KDM4B: variants seen among roughly 807,000 people sequenced by gnomAD.
KDM4B encodes the protein lysine-specific demethylase 4B.
KDM4B carries 32 observed loss-of-function variants against 125.2 expected under a neutral mutation model. That is an observed-to-expected ratio of 0.26 (90% CI 0.19 to 0.34). The LOEUF (loss-of-function observed/expected upper bound fraction) is 0.34, where lower values mean the gene tolerates loss of function less well. KDM4B is among the 10% of genes least tolerant of loss of function. The pLI is 1.00. For synonymous variants in KDM4B, 721 were observed against 677.9 expected, an observed-to-expected ratio of 1.06 and a Z score of -0.99; for missense variants, 1,190 against 1,577.7, an observed-to-expected ratio of 0.75 and a Z score of 4.16.
chr19:5,030,167 C>T (rs1322821853), intron 2 of KDM4B, among the ~76,000 whole-genome samples: 8 of 152,242 alleles, frequency 5.3e-5, no homozygotes, highest in East Asian at 1.9e-4. Context: ...AGTGCAGTGG[C>T]GCAATCACAG....
chr19:5,076,641 G>C (rs369213831), intron 7 of KDM4B: 3 of 152,920 alleles, frequency 2.0e-5, no homozygotes, highest in African/African-American at 5.8e-5. Flanking sequence ...CCCCAGGGTC[G>C]TGCTCTCTCG....
At chr19:5,019,674 ATGTTGGTGTGCAGG>A (rs2036027520) in intron 2 of KDM4B, among the ~76,000 whole-genome samples, 1 of 107,846 alleles carries the variant, frequency 9.3e-6, no homozygotes, top group Admixed American at 1.0e-4. Context: ...GTTGGCGTGG[ATGTTGGTGTGCAGG>A]TGTTGGTGTG....
At chr19:5,077,546 C>T in intron 8 of KDM4B, 76 bp downstream of exon 8, 1 of 1,231,476 alleles carries the variant, frequency 8.1e-7, no homozygotes, top group Non-Finnish European at 1.2e-6. Flanking sequence ...GCACATACCC[C>T]AGGAGATAAG....
At chr19:5,054,888 G>A (rs1015423320) in intron 6 of KDM4B, among the ~76,000 whole-genome samples, 1 of 152,238 alleles carries the variant, frequency 6.6e-6, no homozygotes, top group Non-Finnish European at 1.5e-5. Flanking sequence ...CTGTCGGCCT[G>A]ACGCCATCAG....
rs1568321776 is a variant in KDM4B at position 5,138,086 on chromosome 19, CG to C, written c.2550+17del. On this transcript the variant is annotated intron_variant, in intron 18 of 22. Coordinates refer to ENST00000159111, the MANE Select transcript of KDM4B (RefSeq NM_015015.3). ...GTGGAAGCTGGTAGGTCCTTGCGGT[CG>C]AGGCCCACCCTGCCCGTGCCTCTAG... is the stretch of plus-strand genomic sequence containing the variant. 3.1e-6 allele frequency: 5 copies of C among 1,594,962 alleles called. No homozygotes were observed. The highest frequency in any genetic ancestry group is 4.3e-6 in the Non-Finnish European group (5 of 1,167,100).
intron 5 of KDM4B, among the ~76,000 whole-genome samples, chr19:5,043,568 CTG>C (rs1331968696): frequency 1.4e-5 from 2 of 146,712 alleles, no homozygotes; most frequent in African/African-American, 5.2e-5. Context: ...CCATCATATC[CTG>C]TGTGGTGTTT....
Position 5,039,992 on chromosome 19 carries a change from C to T in KDM4B, c.298C>T (p.Arg100Cys), listed in dbSNP as rs919410120. The change falls in exon 4 of 23, where the codon CGC becomes TGC. Residue 100 changes from arginine (R) to cysteine (C), a missense_variant. Physicochemically the swap from Arg to Cys is radical, Grantham distance 180. This residue lies in a region of KDM4B where 139 missense variants were observed against 248.3 expected (regional missense o/e 0.56). Transcript: ENST00000159111. Reference sequence around the variant, plus strand: ...GGCCATGACAGTGGGCGAGTACCGCCGCCTGGCCAACAGCGAGAAGTACGC... The same window carrying T: ...GGCCATGACAGTGGGCGAGTACCGCTGCCTGGCCAACAGCGAGAAGTACGC... ...KKAMTVGEYR[R>C]LANSEKYCTP... 7 of 1,611,202 alleles carry T rather than the reference C, an allele frequency of 4.3e-6. No homozygotes were observed. Among genetic ancestry groups the T allele is most frequent in the East Asian group, 2.2e-5 (1 of 44,830 alleles).
chr19:5,032,288 G>A (rs919080990), intron 2 of KDM4B, among the ~76,000 whole-genome samples: 18 of 152,324 alleles, frequency 1.2e-4, no homozygotes, highest in Non-Finnish European at 1.8e-4. Context: ...AGCTATGATG[G>A]CAGGAAATGA....
At chr19:5,107,938 G>A (rs928699959) in intron 9 of KDM4B, among the ~76,000 whole-genome samples, 30 of 152,228 alleles carry the variant, frequency 2.0e-4, no homozygotes, top group African/African-American at 5.3e-4. Flanking sequence ...GCAGAGCCAC[G>A]TGGAGACTTG....
chr19:5,125,186 C>G (rs939874256), intron 11 of KDM4B, among the ~76,000 whole-genome samples: 4 of 152,216 alleles, frequency 2.6e-5, no homozygotes, highest in African/African-American at 7.2e-5. Flanking sequence ...CTGTGCCCAG[C>G]TTTCTTTTCA....
At chr19:4,977,602 C>G (rs2034493332) in intron 1 of KDM4B, among the ~76,000 whole-genome samples, 1 of 152,178 alleles carries the variant, frequency 6.6e-6, no homozygotes, top group South Asian at 2.1e-4. Context: ...AGCGTGGAGA[C>G]AGACGATTTG....
intron 1 of KDM4B, among the ~76,000 whole-genome samples, chr19:5,008,856 C>T (rs1324044228): frequency 6.6e-6 from 1 of 150,702 alleles, no homozygotes; most frequent in Non-Finnish European, 1.5e-5. Flanking sequence ...CCGCCTTGGC[C>T]TCCCAAAGTG....
chr19:5,015,483 C>G (rs958864104), intron 1 of KDM4B, among the ~76,000 whole-genome samples: 1 of 152,164 alleles, frequency 6.6e-6, no homozygotes, highest in Non-Finnish European at 1.5e-5. Context: ...AACCCCTGAC[C>G]TCAGCTGATC....
chr19:5,053,775 G>GC (rs2145736713), intron 6 of KDM4B, among the ~76,000 whole-genome samples: 1 of 152,382 alleles, frequency 6.6e-6, no homozygotes, highest in Non-Finnish European at 1.5e-5. Context: ...GCCCAGGCCA[G>GC]CTGCTACGCC....
At chr19:5,068,428 C>T (rs2037843641) in intron 6 of KDM4B, among the ~76,000 whole-genome samples, 1 of 152,240 alleles carries the variant, frequency 6.6e-6, no homozygotes, top group Admixed American at 6.5e-5. Flanking sequence ...TTCTGGTCCC[C>T]CGTCCTGGGG....
chr19:5,133,179 G>A (rs564476995), intron 13 of KDM4B, among the ~76,000 whole-genome samples: 34 of 152,332 alleles, frequency 2.2e-4, no homozygotes, highest in African/African-American at 7.0e-4. Flanking sequence ...ATTGGGGTGC[G>A]GCAGCTGGCA....
chr19:5,045,240 C>G (rs2036988288), intron 5 of KDM4B, among the ~76,000 whole-genome samples: 1 of 152,228 alleles, frequency 6.6e-6, no homozygotes, highest in Admixed American at 6.5e-5. Context: ...TCCTGGCCAC[C>G]CTGGGAGGCG....
At chr19:5,010,238 T>C (rs2035685912) in intron 1 of KDM4B, among the ~76,000 whole-genome samples, 1 of 152,176 alleles carries the variant, frequency 6.6e-6, no homozygotes, top group African/African-American at 2.4e-5. Flanking sequence ...TCCCTTGGCT[T>C]TCAGACGTTT....
chr19:5,093,392 G>A (rs978039472), intron 9 of KDM4B, among the ~76,000 whole-genome samples: 2 of 152,206 alleles, frequency 1.3e-5, no homozygotes, highest in Non-Finnish European at 2.9e-5. Flanking sequence ...GCCGGGAGGG[G>A]CAGGGAGCCG....
Sources: gnomAD v4.1 joint callset for allele counts (sites outside exome capture counted in the v4.1 genomes callset) on GRCh38, gnomAD v4.1.1 for gene constraint, gnomAD v4.1.1 regional missense constraint, MANE v1.5 for transcripts, NCBI Gene and HGNC (gene_info 2026-07-23, HGNC 2026-07-21) for gene names.